The following SCAMP1 variants were observed in gnomAD, a reference collection of about 807,000 sequenced individuals.
SCAMP1 encodes secretory carrier-associated membrane protein 1.
In SCAMP1, 15 loss-of-function variants were observed where a neutral mutation model predicts 41.8. That is an observed-to-expected ratio of 0.36 (90% CI 0.24 to 0.55). SCAMP1 has a LOEUF of 0.55. Ranked by LOEUF, SCAMP1 falls within the 20% of genes least tolerant of loss-of-function variation. The pLI, the probability that SCAMP1 is intolerant of heterozygous loss-of-function variation, is 0.86. For synonymous variants in SCAMP1, 135 were observed against 136.8 expected (o/e 0.99, Z 0.09); for missense variants, 341 against 412.6 (o/e 0.83, Z 1.50).
intron 2 of SCAMP1, among the ~76,000 whole-genome samples, chr5:78,395,443 A>G (rs1443904353): frequency 6.6e-6 from 1 of 152,188 alleles, no homozygotes; most frequent in Non-Finnish European, 1.5e-5. Flanking sequence ...CACTGGATAT[A>G]TTCATTTTCT....
intron 2 of SCAMP1, among the ~76,000 whole-genome samples, chr5:78,405,420 G>C (rs1301558408): frequency 6.6e-6 from 1 of 152,034 alleles, no homozygotes; most frequent in East Asian, 1.9e-4. Flanking sequence ...TGCTTAAAAT[G>C]GTCTTCCCCC....
At position 78,449,960 on chromosome 5, in the gene SCAMP1, A is replaced by G; in HGVS notation, c.660A>G (p.Val220=). 2 of 1,437,312 alleles carry G rather than the reference A, an allele frequency of 1.4e-6. No individual in the cohort carries two copies. Among genetic ancestry groups the G allele is most frequent in the Non-Finnish European group, 1.8e-6 (2 of 1,088,934 alleles). The allele number at this position is 1,437,312 out of a possible 1,614,324, so 89.0% of individuals were successfully genotyped here. A position where few individuals can be genotyped will look rare whatever the true frequency, so the allele number is the denominator to read the frequency against. ...GTGACAGTTCATTTAGATTCTTTGT[A>G]TTCTTCTTCGTCTATATTTGTCAGT... ...FRSDSSFRFF[V]FFFVYICQFA... is the part of the protein sequence containing the mutation. The change falls in exon 7 of 9, where the codon GTA becomes GTG. Residue 220 remains valine (V), a synonymous_variant. Transcript: ENST00000621999.
chr5:78,430,876 T>C (rs1457908726), intron 6 of SCAMP1, among the ~76,000 whole-genome samples: 4 of 152,110 alleles, frequency 2.6e-5, no homozygotes, highest in Admixed American at 6.6e-5. Flanking sequence ...ACTAGCTCTT[T>C]AACTAGTGTA....
intron 2 of SCAMP1, among the ~76,000 whole-genome samples, chr5:78,397,484 A>G (rs1751681449): frequency 6.6e-6 from 1 of 152,246 alleles, no homozygotes; most frequent in South Asian, 2.1e-4. Flanking sequence ...CAATTTGGAC[A>G]TCAAAATTTA....
intron 1 of SCAMP1, among the ~76,000 whole-genome samples, chr5:78,383,629 C>T (rs184853531): frequency 1.2e-4 from 18 of 152,204 alleles, no homozygotes; most frequent in Admixed American, 7.2e-4. Flanking sequence ...GATGAGGATC[C>T]GGTTTCATTC....
chr5:78,365,844 G>A (rs1328951809), intron 1 of SCAMP1, among the ~76,000 whole-genome samples: 1 of 152,120 alleles, frequency 6.6e-6, no homozygotes, highest in Non-Finnish European at 1.5e-5. Context: ...TATCTTTTAA[G>A]TTACAGTAAT....
intron 2 of SCAMP1, among the ~76,000 whole-genome samples, chr5:78,401,895 A>G (rs1283560958): frequency 6.6e-6 from 1 of 151,918 alleles, no homozygotes; most frequent in Non-Finnish European, 1.5e-5. Flanking sequence ...TTCTTTTTCT[A>G]ATTTCCTAAC....
intron 1 of SCAMP1, among the ~76,000 whole-genome samples, chr5:78,375,436 C>T (rs986576729): frequency 6.6e-6 from 1 of 152,114 alleles, no homozygotes; most frequent in African/African-American, 2.4e-5. Context: ...GAACCCAAGT[C>T]ATAAAGCTCT....
intron 1 of SCAMP1, among the ~76,000 whole-genome samples, chr5:78,387,093 C>G (rs1751360121): frequency 6.6e-6 from 1 of 152,140 alleles, no homozygotes; most frequent in Non-Finnish European, 1.5e-5. Context: ...AACAATTATT[C>G]TTAGGTTTGG....
chr5:78,394,060 T>C (rs954871788), intron 2 of SCAMP1, among the ~76,000 whole-genome samples: 1 of 152,182 alleles, frequency 6.6e-6, no homozygotes, highest in African/African-American at 2.4e-5. Context: ...TCTGTTTCGC[T>C]AGTTGATGCC....
Position 78,416,636 on chromosome 5 carries a change from C to T in SCAMP1, c.330C>T (p.Asn110=). The T allele has an allele frequency of 1.9e-6, 3 of 1,585,644 alleles. No homozygotes were observed. The highest frequency in any genetic ancestry group is 1.8e-5 in the Admixed American group (1 of 56,076). ...ATCGTCGGGAACGAGAAATGCAAAA[C>T]CTCAGTCAACATGGTAGTATCCAAA... ...ELDRREREMQ[N]LSQHGRKNNW... The change falls in exon 4 of 9, where the codon AAC becomes AAT. Residue 110 remains asparagine (N), a synonymous_variant. Coordinates refer to ENST00000621999, the MANE Select transcript of SCAMP1 (RefSeq NM_004866.6).
intron 6 of SCAMP1, among the ~76,000 whole-genome samples, chr5:78,429,885 A>G (rs890005397): frequency 3.3e-5 from 5 of 151,780 alleles, no homozygotes; most frequent in Non-Finnish European, 7.4e-5. Flanking sequence ...ATTTGCTGCT[A>G]TGGAGAATAA....
At chr5:78,429,448 T>C (rs1002868901) in intron 6 of SCAMP1, among the ~76,000 whole-genome samples, 1 of 151,960 alleles carries the variant, frequency 6.6e-6, no homozygotes, top group African/African-American at 2.4e-5. Context: ...GTGATCTTTG[T>C]CCACTTACTC....
At chr5:78,418,734 T>A in intron 4 of SCAMP1, 41 bp from the exon 5 acceptor site, 4 of 1,229,986 alleles carry the variant, frequency 3.3e-6, no homozygotes, top group Non-Finnish European at 4.5e-6. Context: ...ACATTTGTTA[T>A]AATATAAATA....
At chr5:78,423,844 A>T (rs969404397) in intron 6 of SCAMP1, among the ~76,000 whole-genome samples, 1 of 100,134 alleles carries the variant, frequency 1.0e-5, no homozygotes, top group African/African-American at 4.3e-5. Context: ...AAATGAGAGG[A>T]ATACTTTTTT....
intron 8 of SCAMP1, among the ~76,000 whole-genome samples, chr5:78,461,355 T>A (rs1474958270): frequency 6.6e-6 from 1 of 152,180 alleles, no homozygotes; most frequent in Non-Finnish European, 1.5e-5. Context: ...TTTTTGTATG[T>A]GGTGAGAAGT....
At chr5:78,472,526 G>T (rs1753910151) in intron 8 of SCAMP1, among the ~76,000 whole-genome samples, 1 of 152,032 alleles carries the variant, frequency 6.6e-6, no homozygotes, top group South Asian at 2.1e-4. Flanking sequence ...AGCTTTTAAA[G>T]ATGTTCATCC....
In SCAMP1 at chr5:78,388,823, G is replaced by A. The variant is rs1452828635; in HGVS notation, c.58-14G>A. The A allele has an allele frequency of 1.4e-6, 2 of 1,392,242 alleles. No homozygotes were observed. The highest frequency in any genetic ancestry group is 2.0e-6 in the Non-Finnish European group (2 of 1,002,088). The allele number at this position is 1,392,242 out of a possible 1,614,324, so 86.2% of individuals were successfully genotyped here. On this transcript the variant is annotated splice_polypyrimidine_tract_variant and intron_variant, in intron 1 of 8. Coordinates refer to ENST00000621999, the MANE Select transcript of SCAMP1 (RefSeq NM_004866.6). Reference sequence around the variant, plus strand: ...ATAAGTAATCTTTTTTTTCTCCTTTGAATTTTATTCTAGGATCCATCAGTT... The same window carrying A: ...ATAAGTAATCTTTTTTTTCTCCTTTAAATTTTATTCTAGGATCCATCAGTT...
chr5:78,418,733 ATAATAT>A, intron 4 of SCAMP1, 36 bp from the exon 5 acceptor site: 1 of 1,223,642 alleles, frequency 8.2e-7, no homozygotes. Context: ...CACATTTGTT[ATAATAT>A]AAATAACCTT....
Sources: allele counts gnomAD v4.1 joint callset (sites outside exome capture counted in the v4.1 genomes callset), GRCh38; gene constraint gnomAD v4.1.1; transcripts MANE v1.5; gene names NCBI Gene and HGNC (gene_info 2026-07-23, HGNC 2026-07-21).